Variants in SNW1 observed in about 807,000 individuals in gnomAD.
SNW1 encodes the protein SNW domain-containing protein 1.
Under a neutral mutation model 75.6 loss-of-function variants are expected in SNW1, and 9 were observed. The observed-to-expected ratio is 0.12, with a 90% CI of 0.07 to 0.21. SNW1 has a LOEUF of 0.21. Ranked by LOEUF, SNW1 falls within the 10% of genes least tolerant of loss-of-function variation. The pLI, the probability that SNW1 is intolerant of heterozygous loss-of-function variation, is 1.00. For synonymous variants in SNW1, 200 were observed against 219.1 expected (o/e 0.91, Z 0.77); for missense variants, 409 against 670.9 (o/e 0.61, Z 4.31).
At chr14:77,746,031 C>CA (rs1043728599) in intron 3 of SNW1, among the ~76,000 whole-genome samples, 6 of 152,140 alleles carry the variant, frequency 3.9e-5, no homozygotes, top group African/African-American at 1.4e-4. Flanking sequence ...CGAAAACAAA[C>CA]AACAACACAT....
Position 77,718,169 on chromosome 14 carries a change from C to G in SNW1, c.1530G>C (p.Gln510His). ...CTGAGGGTCTTTTAGAGCCACCATG[C>G]TGTTTGGCTTCTTCCAAAAACTTGT... ...GLDKFLEEAK[Q>H]HGGSKRPSDS... Residue 510 changes from glutamine to histidine, a missense_variant, in exon 14 of 14, where the codon CAG (glutamine) becomes CAC (histidine). Transcript: ENST00000261531. 1 of 1,613,838 alleles carries G rather than the reference C, an allele frequency of 6.2e-7. No homozygotes were observed. The highest frequency in any genetic ancestry group is 1.1e-5 in the South Asian group (1 of 91,036).
At chr14:77,749,192 A>G (rs1484170484) in intron 3 of SNW1, among the ~76,000 whole-genome samples, 1 of 152,252 alleles carries the variant, frequency 6.6e-6, no homozygotes, top group Non-Finnish European at 1.5e-5. Context: ...TACATTAGTT[A>G]AAGAGAATGT....
chr14:77,723,360 T>C lies in SNW1; in HGVS notation c.1034-83A>G, dbSNP rs1159488666. 4 of 1,070,268 alleles carry C rather than the reference T, an allele frequency of 3.7e-6. No homozygotes were observed. In the Admixed American group the frequency reaches 7.1e-5, roughly 19 times the overall value. The allele number at this position is 1,070,268 out of a possible 1,614,324, so 66.3% of individuals were successfully genotyped here. ...GTACACGTGTGTATATATATAATTT[T>C]TTAAAAAGAGACAGCATCTCACTCT... On this transcript the variant is annotated intron_variant, in intron 10 of 13. Transcript: ENST00000261531.
At chr14:77,731,801 C>T (rs541961256) in intron 9 of SNW1, among the ~76,000 whole-genome samples, 4 of 152,104 alleles carry the variant, frequency 2.6e-5, no homozygotes, top group African/African-American at 4.8e-5. Flanking sequence ...TGCAGTGGTG[C>T]GTTCTTGGCT....
chr14:77,754,836 G>A (rs772149824), intron 2 of SNW1, 131 bp downstream of exon 2: 24 of 776,926 alleles, frequency 3.1e-5, no homozygotes, highest in Non-Finnish European at 4.7e-5. Context: ...TACATCTTGA[G>A]AGCACATAAC....
chr14:77,748,753 A>C (rs993260534), intron 3 of SNW1, among the ~76,000 whole-genome samples: 8 of 151,956 alleles, frequency 5.3e-5, no homozygotes, highest in African/African-American at 1.9e-4. Flanking sequence ...ATGCCCAGCT[A>C]ATTTTTTGTG....
At chr14:77,722,369 T>C (rs2139892928) in intron 11 of SNW1, 1 of 348,182 alleles carries the variant, frequency 2.9e-6, no homozygotes, top group South Asian at 2.3e-5. Flanking sequence ...CTTTCTGAAC[T>C]GTAAGTTAAA....
intron 1 of SNW1, among the ~76,000 whole-genome samples, chr14:77,756,251 G>A (rs960632842): frequency 2.0e-5 from 3 of 151,880 alleles, no homozygotes; most frequent in Non-Finnish European, 4.4e-5. Context: ...CTCCCGAGTA[G>A]CTGGGATTAC....
chr14:77,719,813 C>T (rs1415552154), intron 12 of SNW1, among the ~76,000 whole-genome samples: 1 of 151,534 alleles, frequency 6.6e-6, no homozygotes, highest in Admixed American at 6.6e-5. Flanking sequence ...AGACTTAGAA[C>T]AATGCCAAGA....
chr14:77,754,282 G>T (rs1044141642), intron 2 of SNW1, among the ~76,000 whole-genome samples: 2 of 152,002 alleles, frequency 1.3e-5, no homozygotes, highest in South Asian at 4.1e-4. Context: ...GGCCTCAGGT[G>T]ATCTGCCCGC....
chr14:77,723,718 G>T (rs928563492), intron 10 of SNW1, among the ~76,000 whole-genome samples: 1 of 152,018 alleles, frequency 6.6e-6, no homozygotes, highest in Non-Finnish European at 1.5e-5. Context: ...GCAGTGGCGC[G>T]ATCTCAGCTC....
intron 11 of SNW1, chr14:77,722,570 A>G (rs766330840): frequency 7.2e-5 from 31 of 429,238 alleles, no homozygotes; most frequent in Non-Finnish European, 1.2e-4. Context: ...AACAGTCCAA[A>G]TTTACTACTA....
At chr14:77,742,569 T>C (rs1280220156) in intron 3 of SNW1, among the ~76,000 whole-genome samples, 1 of 152,144 alleles carries the variant, frequency 6.6e-6, no homozygotes, top group Non-Finnish European at 1.5e-5. Context: ...TGTCAAAACA[T>C]TCACTATGTG....
Position 77,723,318 on chromosome 14 carries a change from T to G in SNW1, c.1034-41A>C, listed in dbSNP as rs190676212. ...AAAAGTACTTCACTGTAATATGTATTATATGTGTGCATACGTGTACACGTG... is the reference window on the plus strand; with the variant it reads ...AAAAGTACTTCACTGTAATATGTATGATATGTGTGCATACGTGTACACGTG... On this transcript the variant is annotated intron_variant, in intron 10 of 13. Transcript: ENST00000261531. 136 of 1,415,280 alleles carry G rather than the reference T, an allele frequency of 9.6e-5. No individual in the cohort carries two copies. In the African/African-American group the frequency reaches 1.6e-3, roughly 16 times the overall value. 87.7% of individuals were successfully genotyped at this position (1,415,280 alleles called of 1,614,324 possible). A position where few individuals can be genotyped will look rare whatever the true frequency, so the allele number is the denominator to read the frequency against.
rs151128836 is a variant in SNW1 at position 77,758,562 on chromosome 14, C to T, written c.14+2552G>A. ...CAAAATAGCCACTTCACCCCAAACTCTGAGTCACTCTCTAACCCGGTCTTT... is the reference window on the plus strand; with the variant it reads ...CAAAATAGCCACTTCACCCCAAACTTTGAGTCACTCTCTAACCCGGTCTTT... On this transcript the variant is annotated intron_variant, in intron 1 of 13. Coordinates refer to ENST00000261531, the MANE Select transcript of SNW1 (RefSeq NM_012245.3). 3.7e-3 allele frequency among the ~76,000 whole-genome samples: 563 copies of T among 152,266 alleles called. 2 individuals are homozygous for T. Among genetic ancestry groups the T allele is most frequent in the African/African-American group, 0.012 (501 of 41,548 alleles).
intron 3 of SNW1, among the ~76,000 whole-genome samples, chr14:77,745,213 C>A (rs1454389449): frequency 6.6e-6 from 1 of 152,010 alleles, no homozygotes; most frequent in Non-Finnish European, 1.5e-5. Flanking sequence ...TCAGTCTAGC[C>A]AGGGAAGGTC....
chr14:77,720,728 G>A lies in SNW1; in HGVS notation c.1231C>T (p.Leu411Phe). 1.2e-6 allele frequency: 2 copies of A among 1,610,500 alleles called. No homozygotes were observed. The highest frequency in any genetic ancestry group is 8.5e-7 in the Non-Finnish European group (1 of 1,177,060). Reference protein sequence around the residue: ...TSNEVQYDQRLFNQSKGMDSG... With the variant: ...TSNEVQYDQRFFNQSKGMDSG... ...ACTTGTACCTTGGATTGGTTGAAGA[G>A]CCTTTGGTCATACTGAACTTCATTG... Residue 411 changes from leucine (L) to phenylalanine (F), a missense_variant, in exon 12 of 14, where the codon CTC becomes TTC. Physicochemically the swap from Leu to Phe is conservative, Grantham distance 22. Coordinates refer to ENST00000261531, the MANE Select transcript of SNW1 (RefSeq NM_012245.3).
chr14:77,743,727 G>A (rs188346085), intron 3 of SNW1, among the ~76,000 whole-genome samples: 159 of 152,254 alleles, frequency 1.0e-3, no homozygotes, highest in African/African-American at 3.5e-3. Context: ...AAATGTGTGA[G>A]GTGTTTCTAG....
At chr14:77,747,224 T>C (rs1200690870) in intron 3 of SNW1, among the ~76,000 whole-genome samples, 4 of 152,142 alleles carry the variant, frequency 2.6e-5, no homozygotes, top group Non-Finnish European at 5.9e-5. Flanking sequence ...CAGTGCTCAA[T>C]GTTGCCCAGG....
Sources: gnomAD v4.1 joint callset for allele counts (sites outside exome capture counted in the v4.1 genomes callset) on GRCh38, gnomAD v4.1.1 for gene constraint, MANE v1.5 for transcripts, NCBI Gene and HGNC (gene_info 2026-07-23, HGNC 2026-07-21) for gene names.